BTBD7: variants seen among roughly 807,000 people sequenced by gnomAD.
BTBD7 encodes the protein BTB/POZ domain-containing protein 7.
BTBD7 carries 38 observed loss-of-function variants against 99.9 expected under a neutral mutation model. The observed-to-expected ratio is 0.38, with a 90% confidence interval of 0.29 to 0.50. The LOEUF is 0.50. Among genes scored for constraint, BTBD7 ranks in the 20% least tolerant of loss-of-function variants. The pLI is 0.93. For missense variants in BTBD7, 1,170 were observed against 1,394.6 expected (o/e 0.84, Z 2.57); for synonymous variants, 520 against 511.4 (o/e 1.02, Z -0.23).
Position 93,296,028 on chromosome 14 carries a change from A to G in BTBD7, c.24T>C (p.Tyr8=). ...CTACCCTCGGGGAACATGAATGAGG[A>G]TAATTAGATGCATTAGCACCCATTT... MGANASN[Y]PHSCSPRVGG... The change falls in exon 2 of 11, where the codon TAT becomes TAC. Residue 8 remains tyrosine, a synonymous_variant. Transcript: ENST00000334746. 3 of 1,614,064 alleles carry G rather than the reference A, an allele frequency of 1.9e-6. No individual in the cohort carries two copies. Among genetic ancestry groups the G allele is most frequent in the Middle Eastern group, 1.7e-4 (1 of 6,050 alleles).
Position 93,251,450 on chromosome 14 carries a change from C to A in BTBD7, c.1942+13G>T. 1 of 1,576,182 alleles carries A rather than the reference C, an allele frequency of 6.3e-7. No individual in the cohort carries two copies. Among genetic ancestry groups the A allele is most frequent in the Non-Finnish European group, 8.7e-7 (1 of 1,153,962 alleles). On this transcript the variant is annotated intron_variant, in intron 8 of 10. Coordinates refer to ENST00000334746, the MANE Select transcript of BTBD7 (RefSeq NM_001002860.4). ...TATTCATTTAAATATAAACACCCAA[C>A]ATACTGCCTTACCTGGAATTTCGTT...
Position 93,237,958 on chromosome 14 carries a change from A to T in BTBD7, c.*4315T>A, listed in dbSNP as rs1444145873. 1 of 152,518 alleles carries T rather than the reference A, an allele frequency of 6.6e-6. No homozygotes were observed. Among genetic ancestry groups the T allele is most frequent in the Non-Finnish European group, 1.5e-5 (1 of 68,042 alleles). The allele number at this position is 152,518 out of a possible 1,614,324, so 9.4% of individuals were successfully genotyped here. Reference sequence around the variant, plus strand: ...TTGTAGATGATTTTCCACCTCTCTGAAGTACAGATGTGGTGCATACACAGC... The same window carrying T: ...TTGTAGATGATTTTCCACCTCTCTGTAGTACAGATGTGGTGCATACACAGC... On this transcript the variant is annotated 3_prime_UTR_variant, in exon 11 of 11. Transcript: ENST00000334746.
intron 1 of BTBD7, among the ~76,000 whole-genome samples, chr14:93,331,101 T>C (rs2053397029): frequency 6.6e-6 from 1 of 151,346 alleles, no homozygotes; most frequent in Admixed American, 6.6e-5. Flanking sequence ...AAGTTCAGGT[T>C]AGGAAAAAAA....
intron 7 of BTBD7, 110 bp downstream of exon 7, chr14:93,253,537 T>C (rs1033636232): frequency 3.1e-6 from 3 of 966,892 alleles, no homozygotes; most frequent in Non-Finnish European, 4.3e-6. Context: ...ATTTTCCCTA[T>C]TGTTGAAAAT....
intron 3 of BTBD7, among the ~76,000 whole-genome samples, chr14:93,276,818 T>G (rs559870525): frequency 9.2e-5 from 14 of 151,476 alleles, no homozygotes; most frequent in African/African-American, 3.4e-4. Flanking sequence ...AGTAACTTAG[T>G]AGAGGAAGCT....
At position 93,246,237 on chromosome 14, in the gene BTBD7, A is replaced by G. The variant is rs2052308242; in HGVS notation, c.2171T>C (p.Leu724Pro). The G allele has an allele frequency of 6.4e-7, 1 of 1,560,868 alleles. No homozygotes were observed. The highest frequency in any genetic ancestry group is 1.2e-5 in the South Asian group (1 of 82,910). Residue 724 changes from leucine (L) to proline (P), a missense_variant, in exon 10 of 11, where the codon CTC (leucine) becomes CCC (proline). Leu to Pro is a moderately conservative substitution (Grantham distance 98). Coordinates refer to ENST00000334746, the MANE Select transcript of BTBD7 (RefSeq NM_001002860.4). ...PDERFGDESPLLTMRQPGRCR... is the reference protein window; with the variant it reads ...PDERFGDESPPLTMRQPGRCR... ...TCTCCCAGGCTGTCTCATTGTCAAG[A>G]GTGGACTTTCATCCCCAAAACGTTC...
intron 1 of BTBD7, among the ~76,000 whole-genome samples, chr14:93,322,078 A>T (rs2139824654): frequency 1.3e-5 from 2 of 152,222 alleles, no homozygotes; most frequent in African/African-American, 4.8e-5. Flanking sequence ...TGGACTTAAA[A>T]GAGTTGTTTG....
intron 1 of BTBD7, among the ~76,000 whole-genome samples, chr14:93,300,262 T>C (rs2052979166): frequency 6.7e-6 from 1 of 149,414 alleles, no homozygotes; most frequent in Non-Finnish European, 1.5e-5. Flanking sequence ...TTGTTCTTTT[T>C]TTTTTTTTTT....
Position 93,294,645 on chromosome 14 carries a change from G to A in BTBD7, c.375C>T (p.Ala125=). ...SLQASLARPE[A]RTLQKDMADL... is the part of the protein sequence containing the mutation. ...CAGCCATATCTTTCTGCAATGTCCG[G>A]GCTTCTGGTCTAGCCAAACTGGCTT... is the stretch of plus-strand genomic sequence containing the variant. The change falls in exon 3 of 11, where the codon GCC becomes GCT. Residue 125 remains alanine, a synonymous_variant. Transcript: ENST00000334746. 3 of 1,614,032 alleles carry A rather than the reference G, an allele frequency of 1.9e-6. No individual in the cohort carries two copies. Among genetic ancestry groups the A allele is most frequent in the Non-Finnish European group, 2.5e-6 (3 of 1,180,024 alleles).
chr14:93,277,537 A>C (rs191257768), intron 3 of BTBD7, among the ~76,000 whole-genome samples: 2 of 152,314 alleles, frequency 1.3e-5, no homozygotes, highest in East Asian at 3.9e-4. Flanking sequence ...CAGAAACCCA[A>C]TTCCAATTCT....
intron 1 of BTBD7, among the ~76,000 whole-genome samples, chr14:93,308,505 A>G (rs1179105007): frequency 3.9e-5 from 6 of 152,156 alleles, no homozygotes; most frequent in African/African-American, 1.4e-4. Context: ...CCATTTGTGG[A>G]TATATACCAA....
intron 8 of BTBD7, among the ~76,000 whole-genome samples, chr14:93,250,084 C>T (rs929159784): frequency 2.6e-5 from 4 of 152,114 alleles, no homozygotes; most frequent in Non-Finnish European, 4.4e-5. Context: ...AATACCATGT[C>T]CAAAGTCATA....
In BTBD7 at chr14:93,257,234, T is replaced by A. The variant is rs568580863; in HGVS notation, c.1569A>T (p.Glu523Asp). ...LSSLLPFVRI[E>D]HILPINSEVL... ...CTTCACTGTTTATAGGTAAGATGTG[T>A]TCAATTCGCACAAAAGGTAAGAGAG... The change falls in exon 6 of 11, where the codon GAA becomes GAT. Residue 523 changes from glutamate to aspartate, a missense_variant. Glu to Asp is a conservative substitution (Grantham distance 45). This residue lies in a region of BTBD7 where 309 missense variants were observed against 342.0 expected (regional missense o/e 0.90). Coordinates refer to ENST00000334746, the MANE Select transcript of BTBD7 (RefSeq NM_001002860.4). 1 of 1,614,138 alleles carries A rather than the reference T, an allele frequency of 6.2e-7. No homozygotes were observed. The highest frequency in any genetic ancestry group is 8.5e-7 in the Non-Finnish European group (1 of 1,179,986).
chr14:93,273,430 C>A (rs760896539), intron 3 of BTBD7, among the ~76,000 whole-genome samples: 3 of 152,102 alleles, frequency 2.0e-5, no homozygotes, highest in African/African-American at 7.2e-5. Context: ...CTTGCAGCTG[C>A]GGGGCAGATT....
At chr14:93,295,182 C>T (rs2052910059) in intron 2 of BTBD7, among the ~76,000 whole-genome samples, 1 of 152,188 alleles carries the variant, frequency 6.6e-6, no homozygotes, top group African/African-American at 2.4e-5. Context: ...GATCATAGCT[C>T]ACTGCAGCCT....
At chr14:93,260,384 G>A (rs183391781) in intron 5 of BTBD7, among the ~76,000 whole-genome samples, 68 of 152,286 alleles carry the variant, frequency 4.5e-4, no homozygotes, top group African/African-American at 1.6e-3. Flanking sequence ...AGGGAAGGAG[G>A]ACAGGTGGGT....
chr14:93,264,553 C>T (rs2052521925), intron 3 of BTBD7, among the ~76,000 whole-genome samples: 1 of 152,042 alleles, frequency 6.6e-6, no homozygotes, highest in Non-Finnish European at 1.5e-5. Flanking sequence ...TGAAGAGGAC[C>T]AGGATCCTGG....
chr14:93,248,521 C>T lies in BTBD7; in HGVS notation c.2076G>A (p.Val692=). The change falls in exon 9 of 11, where the codon GTG becomes GTA. Residue 692 remains valine (V), a synonymous_variant. Coordinates refer to ENST00000334746, the MANE Select transcript of BTBD7 (RefSeq NM_001002860.4). ...ATVSYEIQIR[V]LREFGLADAA... The stretch of plus-strand genomic sequence containing the variant: ...CATCTGCAAGACCAAACTCTCTTAG[C>T]ACTCGAATCTGAATTTCATAGCTGA... 6.2e-7 allele frequency: 1 copy of T among 1,614,164 alleles called. No homozygotes were observed. The highest frequency in any genetic ancestry group is 8.5e-7 in the Non-Finnish European group (1 of 1,180,042).
intron 3 of BTBD7, among the ~76,000 whole-genome samples, chr14:93,290,365 A>G (rs2052834491): frequency 6.6e-6 from 1 of 150,914 alleles, no homozygotes; most frequent in Non-Finnish European, 1.5e-5. Flanking sequence ...GGCACCTGCC[A>G]CCATGCCCAG....
Sources: allele counts gnomAD v4.1 joint callset (sites outside exome capture counted in the v4.1 genomes callset), GRCh38; gene constraint gnomAD v4.1.1; regional missense constraint gnomAD v4.1.1; transcripts MANE v1.5; gene names NCBI Gene and HGNC (gene_info 2026-07-23, HGNC 2026-07-21).